ZC3H12B: variants seen among roughly 807,000 people sequenced by gnomAD.
ZC3H12B encodes the protein zinc finger CCCH-type containing 12B.
Under a neutral mutation model 43.9 loss-of-function variants are expected in ZC3H12B, and 7 were observed. The ratio of observed to expected loss-of-function variants is 0.16; its 90% CI spans 0.09 to 0.30. The LOEUF (loss-of-function observed/expected upper bound fraction) is 0.30, where lower values mean the gene tolerates loss of function less well. Ranked by LOEUF, ZC3H12B falls within the 10% of genes least tolerant of loss-of-function variation. The pLI is 1.00. For synonymous variants in ZC3H12B, 222 were observed against 241.7 expected (o/e 0.92, Z 0.76); for missense variants, 475 against 670.2 (o/e 0.71, Z 3.22).
At chrX:65,454,087 G>A (rs1038317620) in intron 3 of ZC3H12B, among the ~76,000 whole-genome samples, 4 of 112,555 alleles carry the variant, frequency 3.6e-5, no homozygotes, top group African/African-American at 1.3e-4. Context: ...AATGATTTCT[G>A]CATTTCCAAA....
At chrX:65,236,705 T>C in the ZC3H12B span, among the ~76,000 whole-genome samples, 2 of 112,432 alleles carry the variant, frequency 1.8e-5, no homozygotes, top group African/African-American at 6.5e-5. Flanking sequence ...CTTTACTCCA[T>C]CTTGAGTTAA....
chrX:65,049,800 A>G, the ZC3H12B span, among the ~76,000 whole-genome samples: 4 of 111,811 alleles, frequency 3.6e-5, no homozygotes, highest in African/African-American at 1.3e-4. Context: ...CCAATCCATT[A>G]ATACAGATGT....
At chrX:65,157,408 ATTG>A in the ZC3H12B span, among the ~76,000 whole-genome samples, 1 of 112,359 alleles carries the variant, frequency 8.9e-6, no homozygotes, top group Admixed American at 9.5e-5. Flanking sequence ...TACATATAGA[ATTG>A]TTGTGTCTTC....
At chrX:65,266,646 C>T in the ZC3H12B span, among the ~76,000 whole-genome samples, 569 of 111,461 alleles carry the variant, frequency 5.1e-3, 2 homozygotes, top group African/African-American at 0.016. Flanking sequence ...TAGTAGTGGC[C>T]GTGAGGGCAA....
the ZC3H12B span, among the ~76,000 whole-genome samples, chrX:65,325,109 C>T: frequency 9.0e-6 from 1 of 110,537 alleles, no homozygotes; most frequent in Non-Finnish European, 1.9e-5. Context: ...ATTTCTACCC[C>T]AAATCTCTTT....
At chrX:65,402,593 C>T (rs2066776725) in intron 3 of ZC3H12B, among the ~76,000 whole-genome samples, 1 of 112,083 alleles carries the variant, frequency 8.9e-6, no homozygotes, top group Admixed American at 9.4e-5. Flanking sequence ...GCTTGTGTAC[C>T]TCCAACCCCA....
chrX:65,159,747 C>T, the ZC3H12B span, among the ~76,000 whole-genome samples: 320 of 111,778 alleles, frequency 2.9e-3, 3 homozygotes, highest in African/African-American at 9.9e-3. Flanking sequence ...AATTGAATAA[C>T]CTTTATTTCC....
At chrX:65,062,598 C>G in the ZC3H12B span, among the ~76,000 whole-genome samples, 6 of 111,846 alleles carry the variant, frequency 5.4e-5, no homozygotes, top group Admixed American at 1.9e-4. Flanking sequence ...TAGTATGATA[C>G]CTCCAGCTTT....
chrX:65,275,243 C>T, the ZC3H12B span, among the ~76,000 whole-genome samples: 2 of 112,637 alleles, frequency 1.8e-5, no homozygotes, highest in South Asian at 3.6e-4. Flanking sequence ...AGTCTTGAAC[C>T]CATGTTCCAA....
chrX:65,277,952 C>T, the ZC3H12B span, among the ~76,000 whole-genome samples: 7 of 110,453 alleles, frequency 6.3e-5, no homozygotes, highest in Non-Finnish European at 1.1e-4. Context: ...ACAAAATTGA[C>T]AAACGTTATT....
At chrX:65,135,988 T>G in the ZC3H12B span, among the ~76,000 whole-genome samples, 3 of 111,490 alleles carry the variant, frequency 2.7e-5, no homozygotes, top group South Asian at 3.7e-4. Context: ...ATATCAGCTT[T>G]CAAACATTTG....
chrX:65,387,115 A>G (rs868385993), intron 2 of ZC3H12B, among the ~76,000 whole-genome samples: 2 of 111,822 alleles, frequency 1.8e-5, no homozygotes, highest in South Asian at 7.5e-4. Context: ...AGAAGAATGT[A>G]TATTCTGTTG....
At chrX:65,065,798 C>T in the ZC3H12B span, among the ~76,000 whole-genome samples, 1 of 108,901 alleles carries the variant, frequency 9.2e-6, no homozygotes, top group Non-Finnish European at 1.9e-5. Flanking sequence ...TAGATTTGGT[C>T]TTTTTACATA....
intron 3 of ZC3H12B, among the ~76,000 whole-genome samples, chrX:65,463,486 T>C (rs1569418034): frequency 8.9e-6 from 1 of 111,854 alleles, no homozygotes; most frequent in African/African-American, 3.3e-5. Flanking sequence ...CTGAGGTTGC[T>C]GTAACAAACT....
chrX:65,206,753 A>C, the ZC3H12B span, among the ~76,000 whole-genome samples: 1 of 111,793 alleles, frequency 8.9e-6, no homozygotes, highest in African/African-American at 3.3e-5. Flanking sequence ...AATCTTTGCA[A>C]TCTGTACATC....
chrX:65,172,399 G>T, the ZC3H12B span, among the ~76,000 whole-genome samples: 253 of 111,906 alleles, frequency 2.3e-3, 2 homozygotes, highest in African/African-American at 7.8e-3. Flanking sequence ...TCTGATGATA[G>T]TTTCCTTTGC....
At chrX:65,204,043 A>G in the ZC3H12B span, among the ~76,000 whole-genome samples, 2 of 112,120 alleles carry the variant, frequency 1.8e-5, no homozygotes, top group Non-Finnish European at 3.8e-5. Context: ...GAGTCCCACA[A>G]TCATTGTGTT....
At chrX:65,279,651 A>T in the ZC3H12B span, among the ~76,000 whole-genome samples, 1 of 111,943 alleles carries the variant, frequency 8.9e-6, no homozygotes, top group Non-Finnish European at 1.9e-5. Flanking sequence ...CATCCTGGAC[A>T]TAGGAACAAG....
chrX:65,280,723 G>T, the ZC3H12B span, among the ~76,000 whole-genome samples: 1 of 111,546 alleles, frequency 9.0e-6, no homozygotes, highest in Admixed American at 9.5e-5. Context: ...AAAATCAGTG[G>T]CATTGCTGTA....
Sources: gnomAD v4.1 joint callset for allele counts (sites outside exome capture counted in the v4.1 genomes callset) on GRCh38, gnomAD v4.1.1 for gene constraint, MANE v1.5 for transcripts, NCBI Gene and HGNC (gene_info 2026-07-23, HGNC 2026-07-21) for gene names.